STK3: variants seen among roughly 807,000 people sequenced by gnomAD.
STK3 encodes serine/threonine-protein kinase 3.
A neutral mutation model predicts 58.0 loss-of-function variants in STK3; 41 were observed. The ratio of observed to expected loss-of-function variants is 0.71; its 90% CI spans 0.55 to 0.92. STK3 has a LOEUF of 0.92. Ranked by LOEUF, STK3 falls within the 40% of genes least tolerant of loss-of-function variation. The probability of loss-of-function intolerance (pLI) is 0.00; values close to 1 mark genes in which losing one functional copy is unlikely to be tolerated. For missense variants in STK3, 479 were observed against 602.7 expected (o/e 0.79, Z 2.15); for synonymous variants, 170 against 191.0 (o/e 0.89, Z 0.91).
chr8:98,893,486 G>GAAAGAAAGAGAA (rs776247646), intron 1 of STK3, among the ~76,000 whole-genome samples: 12 of 43,022 alleles, frequency 2.8e-4, no homozygotes, highest in East Asian at 6.2e-4. Flanking sequence ...AAGAAAGAAA[G>GAAAGAAAGAGAA]AGAAAGAAAG....
At chr8:98,669,616 T>G (rs1822657471) in intron 6 of STK3, among the ~76,000 whole-genome samples, 1 of 152,210 alleles carries the variant, frequency 6.6e-6, no homozygotes, top group Admixed American at 6.5e-5. Context: ...TAACATGTTC[T>G]CTTAGGGTGC....
At chr8:98,633,029 T>A (rs1819373166) in intron 6 of STK3, among the ~76,000 whole-genome samples, 1 of 152,164 alleles carries the variant, frequency 6.6e-6, no homozygotes, top group Non-Finnish European at 1.5e-5. Flanking sequence ...AAATAAAAAT[T>A]ACACATGCTG....
At chr8:98,794,701 A>G (rs1193159178) in intron 1 of STK3, among the ~76,000 whole-genome samples, 7 of 152,118 alleles carry the variant, frequency 4.6e-5, no homozygotes, top group South Asian at 2.1e-4. Flanking sequence ...CCTGGCAAAG[A>G]CACAAAGAAA....
At chr8:98,421,460 T>A (rs567725069) in intron 3 of STK3, among the ~76,000 whole-genome samples, 2 of 152,318 alleles carry the variant, frequency 1.3e-5, no homozygotes, top group South Asian at 4.1e-4. Flanking sequence ...AGTTTAAATT[T>A]AATCAAACTT....
At chr8:98,831,896 A>G (rs745413866) in intron 3 of STK3, among the ~76,000 whole-genome samples, 24 of 152,240 alleles carry the variant, frequency 1.6e-4, no homozygotes, top group Admixed American at 5.9e-4. Flanking sequence ...GAATAAGGAC[A>G]GTATCTTCTT....
At chr8:98,918,737 C>G (rs1197741402) in intron 1 of STK3, among the ~76,000 whole-genome samples, 1 of 152,080 alleles carries the variant, frequency 6.6e-6, no homozygotes, top group Non-Finnish European at 1.5e-5. Context: ...CCACTACACT[C>G]TAGCCTGGGT....
the STK3 span, among the ~76,000 whole-genome samples, chr8:98,345,260 T>C: frequency 6.6e-6 from 1 of 152,046 alleles, no homozygotes; most frequent in Non-Finnish European, 1.5e-5. Context: ...GGAAAGATGA[T>C]CCCATATTCA....
chr8:98,579,988 A>G (rs974115138), intron 7 of STK3, among the ~76,000 whole-genome samples, 199 bp from the exon 8 acceptor site: 1 of 149,634 alleles, frequency 6.7e-6, no homozygotes. Flanking sequence ...GGGCTTGTTT[A>G]AAAAAAAAAC....
At chr8:98,890,934 C>G (rs1336119677) in intron 1 of STK3, among the ~76,000 whole-genome samples, 1 of 152,174 alleles carries the variant, frequency 6.6e-6, no homozygotes, top group East Asian at 1.9e-4. Flanking sequence ...ATCGTCCTAG[C>G]CTTGAGCATG....
At chr8:98,629,259 C>T (rs984953633) in intron 6 of STK3, among the ~76,000 whole-genome samples, 3 of 152,174 alleles carry the variant, frequency 2.0e-5, no homozygotes, top group Non-Finnish European at 4.4e-5. Context: ...GGAAGCTTGA[C>T]AGTCATTTAC....
At chr8:98,904,657 G>A in intron 1 of STK3, 2 of 636,936 alleles carry the variant, frequency 3.1e-6, no homozygotes, top group South Asian at 1.4e-5. Context: ...GGGCCATGTC[G>A]TGTAGAGAAT....
At chr8:98,847,690 CT>C (rs1191339091) in intron 3 of STK3, among the ~76,000 whole-genome samples, 2 of 151,726 alleles carry the variant, frequency 1.3e-5, no homozygotes, top group African/African-American at 4.9e-5. Flanking sequence ...CAGCCAGGAT[CT>C]TTTTCCCTCT....
chr8:98,422,768 G>T (rs1248789027), intron 3 of STK3, among the ~76,000 whole-genome samples: 1 of 152,116 alleles, frequency 6.6e-6, no homozygotes, highest in Non-Finnish European at 1.5e-5. Context: ...GATACTGACC[G>T]CCGGGTGCAG....
intron 9 of STK3, among the ~76,000 whole-genome samples, chr8:98,536,657 T>C (rs935978504): frequency 2.0e-5 from 3 of 152,216 alleles, no homozygotes; most frequent in African/African-American, 7.2e-5. Flanking sequence ...AATGACATCA[T>C]GAACTCACTC....
At chr8:98,490,951 A>C (rs1316000805) in intron 10 of STK3, among the ~76,000 whole-genome samples, 1 of 152,194 alleles carries the variant, frequency 6.6e-6, no homozygotes, top group Non-Finnish European at 1.5e-5. Flanking sequence ...TTTGGAAACT[A>C]CTGGGTTAGA....
intron 3 of STK3, among the ~76,000 whole-genome samples, chr8:98,426,649 G>A (rs563693856): frequency 1.3e-5 from 2 of 152,200 alleles, no homozygotes; most frequent in Non-Finnish European, 2.9e-5. Context: ...GACACCTGGA[G>A]TTCCTCCGGT....
chr8:98,567,009 G>C (rs989630600), intron 8 of STK3, among the ~76,000 whole-genome samples: 5 of 152,100 alleles, frequency 3.3e-5, no homozygotes, highest in Non-Finnish European at 4.4e-5. Flanking sequence ...AAAGTTTCAT[G>C]GGCCAAAGGT....
chr8:98,695,170 G>A (rs569250930), intron 6 of STK3, among the ~76,000 whole-genome samples: 8 of 152,282 alleles, frequency 5.3e-5, no homozygotes, highest in South Asian at 4.1e-4. Context: ...GTCTGTTCAT[G>A]TCCTTCGCCC....
chr8:98,392,695 T>C (rs1490645210), upstream of STK3, among the ~76,000 whole-genome samples: 1 of 152,196 alleles, frequency 6.6e-6, no homozygotes, highest in Non-Finnish European at 1.5e-5. Flanking sequence ...GGAAACATGA[T>C]ACTGGTTTCT....
Sources: allele counts gnomAD v4.1 joint callset (sites outside exome capture counted in the v4.1 genomes callset), GRCh38; gene constraint gnomAD v4.1.1; transcripts MANE v1.5; gene names NCBI Gene and HGNC (gene_info 2026-07-23, HGNC 2026-07-21).